The following POGZ variants were observed in gnomAD, a reference collection of about 807,000 sequenced individuals.
POGZ encodes the protein pogo transposable element derived with ZNF domain.
POGZ carries 17 observed loss-of-function variants against 134.6 expected under a neutral mutation model. The ratio of observed to expected loss-of-function variants is 0.13; its 90% CI spans 0.09 to 0.19. The LOEUF (loss-of-function observed/expected upper bound fraction) is 0.19, where lower values mean the gene tolerates loss of function less well. POGZ is among the 10% of genes least tolerant of loss of function. The pLI is 1.00. For missense variants in POGZ, 1,306 were observed against 1,769.7 expected (o/e 0.74, Z 4.70); for synonymous variants, 693 against 657.1 (o/e 1.05, Z -0.84).
chr1:151,415,602 C>CA (rs1655490276), intron 10 of POGZ, among the ~76,000 whole-genome samples: 1 of 140,848 alleles, frequency 7.1e-6, no homozygotes, highest in Admixed American at 7.7e-5. Flanking sequence ...ACCCAGGAGA[C>CA]AGAGCTTGCA....
At chr1:151,422,411 C>G (rs1657059633) in intron 10 of POGZ, among the ~76,000 whole-genome samples, 1 of 152,132 alleles carries the variant, frequency 6.6e-6, no homozygotes, top group Admixed American at 6.6e-5. Context: ...GGCTTAAATC[C>G]TCACTATGTA....
chr1:151,429,100 A>G (rs1010524372), intron 5 of POGZ, among the ~76,000 whole-genome samples: 1 of 148,050 alleles, frequency 6.8e-6, no homozygotes, highest in Non-Finnish European at 1.5e-5. Context: ...TAAGATTTTA[A>G]AAAAATTATC....
At position 151,404,529 on chromosome 1, in the gene POGZ, A is replaced by G; in HGVS notation, c.*273T>C. The G allele has an allele frequency of 8.9e-7, 1 of 1,119,850 alleles. No individual in the cohort carries two copies. The highest frequency in any genetic ancestry group is 1.1e-6 in the Non-Finnish European group (1 of 915,342). The allele number at this position is 1,119,850 out of a possible 1,614,324, so 69.4% of individuals were successfully genotyped here. A position where few individuals can be genotyped will look rare whatever the true frequency, so the allele number is the denominator to read the frequency against. On this transcript the variant is annotated 3_prime_UTR_variant, in exon 19 of 19. Coordinates refer to ENST00000271715, the MANE Select transcript of POGZ (RefSeq NM_015100.4). Reference sequence around the variant, plus strand: ...AAAAATACCAAACACAGTGATTTAAATTTAAAAAAAAAAAAAGTCACAAAA... The same window carrying G: ...AAAAATACCAAACACAGTGATTTAAGTTTAAAAAAAAAAAAAGTCACAAAA...
intron 10 of POGZ, among the ~76,000 whole-genome samples, chr1:151,422,321 T>C (rs559619670): frequency 5.9e-5 from 9 of 152,348 alleles, no homozygotes; most frequent in African/African-American, 2.2e-4. Context: ...GTTCTCACAT[T>C]TTCCTATATT....
intron 1 of POGZ, among the ~76,000 whole-genome samples, chr1:151,452,608 G>A (rs1352261685): frequency 6.6e-6 from 1 of 152,108 alleles, no homozygotes; most frequent in Non-Finnish European, 1.5e-5. Context: ...GCTCACGCCT[G>A]TAATCCCAGC....
chr1:151,407,090 A>G (rs749589490), intron 16 of POGZ, 67 bp from the exon 17 acceptor site: 127 of 1,353,806 alleles, frequency 9.4e-5, no homozygotes, highest in Non-Finnish European at 1.2e-4. Flanking sequence ...TTAAGCTTTG[A>G]GGCTTAAGAA....
chr1:151,409,489 C>A (rs946664564), intron 12 of POGZ, among the ~76,000 whole-genome samples: 7 of 152,142 alleles, frequency 4.6e-5, no homozygotes, highest in Admixed American at 4.6e-4. Context: ...GCACGTGCCA[C>A]CACGCCCGGC....
rs1663244286 is a variant in POGZ at position 151,459,401 on chromosome 1, G to A, written c.-251C>T. 6.6e-6 allele frequency: 1 copy of A among 151,652 alleles called. No homozygotes were observed. The highest frequency in any genetic ancestry group is 1.5e-5 in the Non-Finnish European group (1 of 67,886). The allele number at this position is 151,652 out of a possible 1,614,324, so 9.4% of individuals were successfully genotyped here. A position where few individuals can be genotyped will look rare whatever the true frequency, so the allele number is the denominator to read the frequency against. On this transcript the variant is annotated 5_prime_UTR_variant, in exon 1 of 19. Coordinates refer to ENST00000271715, the MANE Select transcript of POGZ (RefSeq NM_015100.4). ...GGGGGCCCCGAGGGAGGGGGGTGGG[G>A]GGGCCAAGGAATGCGGCTCCGTGTA...
intron 10 of POGZ, among the ~76,000 whole-genome samples, chr1:151,414,408 T>C (rs566244889): frequency 0.021 from 3,157 of 152,356 alleles, 101 homozygotes; most frequent in African/African-American, 0.072. Flanking sequence ...ATTTATCAGC[T>C]CTATTTTCAC....
chr1:151,458,552 AGCGGGAATGGG>A (rs906591579), intron 1 of POGZ, among the ~76,000 whole-genome samples: 37 of 151,332 alleles, frequency 2.4e-4, no homozygotes, highest in Non-Finnish European at 3.0e-4. Flanking sequence ...TCCTTCTCGG[AGCGGGAATGGG>A]GCGGGGAGGG....
At chr1:151,443,606 C>T (rs961705250) in intron 1 of POGZ, among the ~76,000 whole-genome samples, 2 of 151,954 alleles carry the variant, frequency 1.3e-5, no homozygotes, top group East Asian at 3.9e-4. Flanking sequence ...CCCGGCTACT[C>T]GGGAGGCTGA....
chr1:151,418,169 T>C (rs150732621), intron 10 of POGZ, among the ~76,000 whole-genome samples: 11 of 151,988 alleles, frequency 7.2e-5, no homozygotes, highest in African/African-American at 2.2e-4. Flanking sequence ...TGAGCCAAGA[T>C]TGCACTACCG....
chr1:151,445,207 TA>T (rs1661096636), intron 1 of POGZ, among the ~76,000 whole-genome samples: 1 of 152,026 alleles, frequency 6.6e-6, no homozygotes, highest in South Asian at 2.1e-4. Context: ...CAATGTAAAT[TA>T]AAAGACTCAA....
intron 1 of POGZ, among the ~76,000 whole-genome samples, chr1:151,458,335 A>C (rs1663016695): frequency 6.6e-6 from 1 of 152,156 alleles, no homozygotes; most frequent in Non-Finnish European, 1.5e-5. Context: ...AATCACCAGA[A>C]AATAAAGATT....
intron 3 of POGZ, 180 bp downstream of exon 3, chr1:151,440,748 T>C: frequency 2.2e-6 from 1 of 459,886 alleles, no homozygotes; most frequent in South Asian, 5.1e-5. Context: ...AGCACTAACT[T>C]AGAAGGAATA....
rs1335314318 is a variant in POGZ at position 151,404,929 on chromosome 1, G to A, written c.4106C>T (p.Pro1369Leu). ...CTCTTCAGGAGATGATCTGGGTCGT[G>A]GAGTGGAAGACTCAGAATGTTCCCC... ...LSGEHSESST[P>L]RPRSSPEETI... Residue 1369 changes from proline (P) to leucine (L), a missense_variant, in exon 19 of 19, where the codon CCA (proline) becomes CTA (leucine). Coordinates refer to ENST00000271715, the MANE Select transcript of POGZ (RefSeq NM_015100.4). 3 of 1,614,188 alleles carry A rather than the reference G, an allele frequency of 1.9e-6. No individual in the cohort carries two copies. Among genetic ancestry groups the A allele is most frequent in the Non-Finnish European group, 2.5e-6 (3 of 1,180,038 alleles).
chr1:151,437,269 GTGT>G (rs1659755525), intron 3 of POGZ, among the ~76,000 whole-genome samples: 1 of 150,266 alleles, frequency 6.7e-6, no homozygotes, highest in Non-Finnish European at 1.5e-5. Flanking sequence ...TTCTCCGTGT[GTGT>G]TTTTTTTTAA....
intron 3 of POGZ, among the ~76,000 whole-genome samples, chr1:151,435,074 AG>A (rs1328919933): frequency 1.1e-4 from 16 of 152,068 alleles, no homozygotes; most frequent in Middle Eastern, 3.4e-3. Context: ...TAATTTTTGT[AG>A]TTTTTAACAG....
At chr1:151,419,963 C>T (rs188539654) in intron 10 of POGZ, among the ~76,000 whole-genome samples, 165 of 152,002 alleles carry the variant, frequency 1.1e-3, no homozygotes, top group African/African-American at 3.7e-3. Flanking sequence ...CCCCATATTA[C>T]GCGTAAAAAT....
Sources: gnomAD v4.1 joint callset for allele counts (sites outside exome capture counted in the v4.1 genomes callset) on GRCh38, gnomAD v4.1.1 for gene constraint, MANE v1.5 for transcripts, NCBI Gene and HGNC (gene_info 2026-07-23, HGNC 2026-07-21) for gene names.